The following GPR158 variants were observed in gnomAD, a reference collection of about 807,000 sequenced individuals.
GPR158 encodes the protein metabotropic glycine receptor.
In GPR158, 30 loss-of-function variants were observed where a neutral mutation model predicts 78.2. The observed-to-expected ratio is 0.38, with a 90% confidence interval of 0.29 to 0.52. GPR158 has a LOEUF of 0.52. Ranked by LOEUF, GPR158 falls within the 20% of genes least tolerant of loss-of-function variation. GPR158 has a pLI of 0.83. For missense variants in GPR158, 1,463 were observed against 1,523.5 expected (o/e 0.96, Z 0.66); for synonymous variants, 581 against 591.1 (o/e 0.98, Z 0.25).
At chr10:25,596,507 C>CTA (rs576637004) in intron 9 of GPR158, 136 bp from the exon 10 acceptor site, 2 of 591,774 alleles carry the variant, frequency 3.4e-6, no homozygotes, top group Non-Finnish European at 5.9e-6. Context: ...ATCTATCTAT[C>CTA]TATATATATA....
At chr10:25,345,199 A>G (rs2130511305) in intron 2 of GPR158, among the ~76,000 whole-genome samples, 1 of 152,066 alleles carries the variant, frequency 6.6e-6, no homozygotes, top group Admixed American at 6.6e-5. Flanking sequence ...TTGTCCGGCA[A>G]CATTCGGCAA....
chr10:25,384,288 C>T lies in GPR158; in HGVS notation c.1009-11623C>T, dbSNP rs1050114978. On this transcript the variant is annotated intron_variant, in intron 2 of 10. Transcript: ENST00000376351. ...AGAATAAAAAACCATGAAAACTAAGCATAAGAACTCAAAAAGTACAGCACT... is the reference window on the plus strand; with the variant it reads ...AGAATAAAAAACCATGAAAACTAAGTATAAGAACTCAAAAAGTACAGCACT... Among the ~76,000 whole-genome samples the T allele has an allele frequency of 2.0e-5, 3 of 152,144 alleles. No individual in the cohort carries two copies. In the South Asian group the frequency reaches 6.2e-4, roughly 32 times the overall value.
At chr10:25,359,926 G>C (rs148446474) in intron 2 of GPR158, among the ~76,000 whole-genome samples, 1 of 152,048 alleles carries the variant, frequency 6.6e-6, no homozygotes, top group African/African-American at 2.4e-5. Flanking sequence ...AGCATCTGTT[G>C]TTTCCTGACT....
chr10:25,556,384 A>G (rs932187729), intron 6 of GPR158, among the ~76,000 whole-genome samples: 3 of 152,182 alleles, frequency 2.0e-5, no homozygotes, highest in Non-Finnish European at 4.4e-5. Flanking sequence ...CCAAAATAAT[A>G]CACCAATAAA....
intron 5 of GPR158, among the ~76,000 whole-genome samples, chr10:25,478,163 T>C (rs1229336856): frequency 6.6e-6 from 1 of 152,156 alleles, no homozygotes; most frequent in Non-Finnish European, 1.5e-5. Context: ...CCAATAATCT[T>C]CCTTTAGTTG....
At chr10:25,203,617 G>C (rs1020197622) in intron 1 of GPR158, among the ~76,000 whole-genome samples, 1 of 145,006 alleles carries the variant, frequency 6.9e-6, no homozygotes, top group Non-Finnish European at 1.5e-5. Context: ...GTGTATATCT[G>C]TGTTTTGGTA....
At chr10:25,577,546 G>T (rs1464690324) in intron 7 of GPR158, among the ~76,000 whole-genome samples, 1 of 152,162 alleles carries the variant, frequency 6.6e-6, no homozygotes, top group African/African-American at 2.4e-5. Context: ...TGAAATACTA[G>T]TTTTTCCACT....
rs1564420598 is a variant in GPR158, at chr10:25,317,740, TG to T, written c.1009-78170del. 2.9e-4 allele frequency among the ~76,000 whole-genome samples: 43 copies of T among 145,836 alleles called. 4 individuals carry two copies. The highest frequency in any genetic ancestry group is 3.5e-3 in the Middle Eastern group (1 of 284). On this transcript the variant is annotated intron_variant, in intron 2 of 10. Coordinates refer to ENST00000376351, the MANE Select transcript of GPR158 (RefSeq NM_020752.3). ...TGTTTTTTTTTGTTTTGTTTTGTTT[TG>T]TTTTTGAGACAGAGTCTCGCTTCTT...
rs573893508 is a variant in GPR158, at chr10:25,551,151, G to A, written c.1514+66G>A. 4 of 912,186 alleles carry A rather than the reference G, an allele frequency of 4.4e-6. No homozygotes were observed. The South Asian group carries it at 5.2e-5, about 12-fold the overall frequency. 56.5% of individuals were successfully genotyped at this position (912,186 alleles called of 1,614,324 possible). A position where few individuals can be genotyped will look rare whatever the true frequency, so the allele number is the denominator to read the frequency against. On this transcript the variant is annotated intron_variant, in intron 6 of 10. Coordinates refer to ENST00000376351, the MANE Select transcript of GPR158 (RefSeq NM_020752.3). ...AAACTAATCAGCTTGGCACATAATT[G>A]TTAGCTGGGCTGACCACTTAAATGG...
intron 1 of GPR158, among the ~76,000 whole-genome samples, chr10:25,187,262 G>T (rs1564385946): frequency 1.3e-5 from 2 of 149,204 alleles, no homozygotes; most frequent in Admixed American, 6.7e-5. Context: ...ACCGCGTCCG[G>T]CCCTCCCTAA....
rs560202897 is a variant in GPR158 at position 25,432,413 on chromosome 10, G to T, written c.1335+19940G>T. Among the ~76,000 whole-genome samples, 4 of 152,238 alleles carry T rather than the reference G, an allele frequency of 2.6e-5. No individual in the cohort carries two copies. In the South Asian group the frequency reaches 8.3e-4, roughly 32 times the overall value. On this transcript the variant is annotated intron_variant, in intron 4 of 10. Coordinates refer to ENST00000376351, the MANE Select transcript of GPR158 (RefSeq NM_020752.3). The stretch of plus-strand genomic sequence containing the variant: ...GATGTAATAGAATTAAAAGTGCATG[G>T]TCGTTTCAATTCTAGAAGTCTGTAC...
chr10:25,313,081 T>G (rs1854790668), intron 2 of GPR158, among the ~76,000 whole-genome samples: 1 of 152,038 alleles, frequency 6.6e-6, no homozygotes, highest in African/African-American at 2.4e-5. Flanking sequence ...CTTCTCTATT[T>G]GCATTTACTG....
chr10:25,188,245 G>A (rs952773381), intron 1 of GPR158, among the ~76,000 whole-genome samples: 1 of 152,124 alleles, frequency 6.6e-6, no homozygotes, highest in Non-Finnish European at 1.5e-5. Flanking sequence ...TCCCCATCAA[G>A]CTCCCAATGA....
At chr10:25,562,653 A>T (rs988770702) in intron 6 of GPR158, among the ~76,000 whole-genome samples, 1 of 152,002 alleles carries the variant, frequency 6.6e-6, no homozygotes, top group East Asian at 1.9e-4. Context: ...TATGATTTCA[A>T]TTTTCTGAAA....
intron 5 of GPR158, among the ~76,000 whole-genome samples, chr10:25,507,273 G>A (rs539053511): frequency 6.6e-6 from 1 of 152,342 alleles, no homozygotes; most frequent in South Asian, 2.1e-4. Context: ...TGCATGGAAA[G>A]AGAAGAATAT....
chr10:25,551,963 T>G (rs1423211866), intron 6 of GPR158, among the ~76,000 whole-genome samples: 2 of 152,186 alleles, frequency 1.3e-5, no homozygotes, highest in African/African-American at 4.8e-5. Context: ...TCTCCTAATA[T>G]GGGTCATGCA....
chr10:25,323,439 GATGACATCT>G (rs1280004936), intron 2 of GPR158, among the ~76,000 whole-genome samples: 1 of 152,134 alleles, frequency 6.6e-6, no homozygotes, highest in African/African-American at 2.4e-5. Context: ...GAAAGGCCCA[GATGACATCT>G]TCTTCCAAAG....
intron 5 of GPR158, among the ~76,000 whole-genome samples, chr10:25,503,665 G>A (rs963626902): frequency 6.6e-6 from 1 of 152,066 alleles, no homozygotes; most frequent in Non-Finnish European, 1.5e-5. Flanking sequence ...GTGATCTCAG[G>A]TTGCAGTTTT....
At chr10:25,371,240 G>T (rs1833986962) in intron 2 of GPR158, among the ~76,000 whole-genome samples, 1 of 151,278 alleles carries the variant, frequency 6.6e-6, no homozygotes, top group Non-Finnish European at 1.5e-5. Context: ...TTGCTCATTA[G>T]TTGATGCAGT....
Sources: gnomAD v4.1 joint callset for allele counts (sites outside exome capture counted in the v4.1 genomes callset) on GRCh38, gnomAD v4.1.1 for gene constraint, MANE v1.5 for transcripts, NCBI Gene and HGNC (gene_info 2026-07-23, HGNC 2026-07-21) for gene names.